The following SREBF2 variants were observed in gnomAD, a reference collection of about 807,000 sequenced individuals.
The protein encoded by SREBF2 is sterol regulatory element-binding protein 2.
In SREBF2, 55 loss-of-function variants were observed where a neutral mutation model predicts 113.1. That is an observed-to-expected ratio of 0.49 (90% CI 0.39 to 0.61). SREBF2 has a LOEUF of 0.61. Ranked by LOEUF, SREBF2 falls within the 20% of genes least tolerant of loss-of-function variation. The pLI is 0.00. For synonymous variants in SREBF2, 593 were observed against 605.7 expected, an observed-to-expected ratio of 0.98 and a Z score of 0.31; for missense variants, 1,349 against 1,487.4, an observed-to-expected ratio of 0.91 and a Z score of 1.53.
chr22:41,869,527 A>T (rs187718992), intron 3 of SREBF2, among the ~76,000 whole-genome samples: 1 of 148,668 alleles, frequency 6.7e-6, no homozygotes, highest in Admixed American at 6.8e-5. Context: ...CTTGTTGCCC[A>T]GGTTGGAGTG....
intron 9 of SREBF2, among the ~76,000 whole-genome samples, chr22:41,880,383 C>G (rs371473950): frequency 1.3e-3 from 172 of 136,648 alleles, no homozygotes; most frequent in African/African-American, 4.5e-3. Flanking sequence ...GAAACCCTGT[C>G]TCTACTAAAA....
At position 41,870,957 on chromosome 22, in the gene SREBF2, C is replaced by G. The variant is rs1569392839; in HGVS notation, c.789C>G (p.Ser263Arg). ...TGACCACACTGAAGACAGATGGCAG[C>G]CCTGTTATGGCTGCGGTCCAGAACC... ...LVLTTLKTDG[S>R]PVMAAVQNPA... The change falls in exon 4 of 19, where the codon AGC (serine) becomes AGG (arginine). Residue 263 changes from serine (S) to arginine (R), a missense_variant. Around this residue, in one of 2 missense-constraint regions of SREBF2, gnomAD observed 699 missense variants for 843.3 expected, o/e 0.83. Transcript: ENST00000361204. 6.2e-7 allele frequency: 1 copy of G among 1,614,140 alleles called. No homozygotes were observed. Among genetic ancestry groups the G allele is most frequent in the East Asian group, 2.2e-5 (1 of 44,880 alleles).
rs752234900 is a variant in SREBF2, at chr22:41,894,845, G to A, written c.2403G>A (p.Gln801=). Residue 801 remains glutamine, a synonymous_variant, in exon 13 of 19, where the codon CAG becomes CAA. Coordinates refer to ENST00000361204, the MANE Select transcript of SREBF2 (RefSeq NM_004599.4). ...NPADPIAQVH[Q]AFCKNLLERA... ...CTGACCCCATTGCGCAGGTCCACCA[G>A]GCCTTCTGCAAGAACCTGCTGGAGC... 2.5e-6 allele frequency: 4 copies of A among 1,614,046 alleles called. No individual in the cohort carries two copies. In the African/African-American group the frequency reaches 5.3e-5, roughly 22 times the overall value.
At chr22:41,892,540 C>T (rs1004798300) in intron 11 of SREBF2, among the ~76,000 whole-genome samples, 14 of 147,294 alleles carry the variant, frequency 9.5e-5, no homozygotes, top group African/African-American at 7.6e-5. Context: ...CCCAGCTACA[C>T]GGGAGGCTGA....
rs957307376 is a variant in SREBF2 at position 41,866,823 on chromosome 22, G to T, written c.89-8G>T. On this transcript the variant is annotated splice_polypyrimidine_tract_variant and splice_region_variant and intron_variant, in intron 1 of 18. Transcript: ENST00000361204. Reference sequence around the variant, plus strand: ...GCAATAAAATTACTCCTTTTCTTTTGTTCACAGAGATGCTGCAATTTGTCA... The same window carrying T: ...GCAATAAAATTACTCCTTTTCTTTTTTTCACAGAGATGCTGCAATTTGTCA... 6 of 1,614,002 alleles carry T rather than the reference G, an allele frequency of 3.7e-6. No individual in the cohort carries two copies. The highest frequency in any genetic ancestry group is 5.1e-6 in the Non-Finnish European group (6 of 1,180,008).
At chr22:41,890,715 G>A (rs2077352696) in intron 11 of SREBF2, among the ~76,000 whole-genome samples, 2 of 150,490 alleles carry the variant, frequency 1.3e-5, no homozygotes, top group Non-Finnish European at 1.5e-5. Flanking sequence ...AGCCACCAGC[G>A]TGGCCAAGAT....
chr22:41,898,587 C>CT, intron 14 of SREBF2, 62 bp from the exon 15 acceptor site: 1 of 1,611,224 alleles, frequency 6.2e-7, no homozygotes, highest in Non-Finnish European at 8.5e-7. Context: ...GTAGCAGCCT[C>CT]TGAGCGCCAC....
rs1569388206 is a variant in SREBF2 at position 41,866,934 on chromosome 22, CGGCAGCAGT to C, written c.201_209del (p.Gly68_Ser70del). The C allele has an allele frequency of 9.9e-6, 16 of 1,613,386 alleles. No individual in the cohort carries two copies. Among genetic ancestry groups the C allele is most frequent in the South Asian group, 5.5e-5 (5 of 91,078 alleles). On this transcript the variant is annotated inframe_deletion, in exon 2 of 19. Transcript: ENST00000361204. Reference sequence around the variant, plus strand: ...GCAGTGGTGGTAGTGGTAGCAGCAGCGGCAGCAGTGGCAGCAGCAGCAGCAGCAGCAATG... The same window carrying C: ...GCAGTGGTGGTAGTGGTAGCAGCAGCGGCAGCAGCAGCAGCAGCAGCAATG...
At chr22:41,902,019 T>C (rs1331582416) in intron 16 of SREBF2, among the ~76,000 whole-genome samples, 3 of 152,230 alleles carry the variant, frequency 2.0e-5, no homozygotes, top group Non-Finnish European at 4.4e-5. Flanking sequence ...AGGGATCCTT[T>C]TCCACATCCC....
intron 11 of SREBF2, among the ~76,000 whole-genome samples, chr22:41,889,417 G>T (rs1241852749): frequency 6.6e-6 from 1 of 151,980 alleles, no homozygotes; most frequent in Non-Finnish European, 1.5e-5. Flanking sequence ...ATGCACCACC[G>T]CGCCTGGCCT....
intron 11 of SREBF2, among the ~76,000 whole-genome samples, chr22:41,889,189 A>G (rs1007803024): frequency 6.6e-6 from 1 of 152,120 alleles, no homozygotes; most frequent in Non-Finnish European, 1.5e-5. Flanking sequence ...GCAGTGGTGC[A>G]ATCACGGCAC....
At chr22:41,897,228 C>T in intron 14 of SREBF2, 67 bp downstream of exon 14, 1 of 1,030,772 alleles carries the variant, frequency 9.7e-7, no homozygotes, top group South Asian at 1.4e-5. Flanking sequence ...GCTTTTGCCC[C>T]AGGGGTCCAG....
intron 11 of SREBF2, among the ~76,000 whole-genome samples, chr22:41,892,794 C>T (rs2148411065): frequency 6.6e-6 from 1 of 152,250 alleles, no homozygotes; most frequent in South Asian, 2.1e-4. Context: ...CCTAGTTTAC[C>T]CTGCAGGTTG....
Position 41,880,891 on chromosome 22 carries a change from G to A in SREBF2, c.1937G>A (p.Arg646Gln), listed in dbSNP as rs148947797. The change falls in exon 10 of 19, where the codon CGG becomes CAG. Residue 646 changes from arginine (R) to glutamine (Q), a missense_variant. Transcript: ENST00000361204. ...WLLKKVFQCRRATPATEAGFE... is the reference protein window; with the variant it reads ...WLLKKVFQCRQATPATEAGFE... ...CTCAAGAAAGTCTTCCAGTGCCGGC[G>A]GGCCACGCCAGCCACTGAGGCAGGC... The A allele has an allele frequency of 7.1e-5, 115 of 1,612,796 alleles. No homozygotes were observed. The African/African-American group carries it at 1.1e-3, about 15-fold the overall frequency.
chr22:41,878,012 G>T lies in SREBF2; in HGVS notation c.1650G>T (p.Leu550=). The part of the protein sequence containing the change: ...LLWLVNGVIV[L]SVFVKLLVHG... ...GGCTGGTAAATGGTGTGATTGTCCT[G>T]AGCGTCTTTGTGAAGCTGCTGGTTC... Residue 550 remains leucine (L), a synonymous_variant, in exon 9 of 19, where the codon CTG becomes CTT. Coordinates refer to ENST00000361204, the MANE Select transcript of SREBF2 (RefSeq NM_004599.4). The T allele has an allele frequency of 6.2e-7, 1 of 1,614,110 alleles. No homozygotes were observed.
rs1569394859 is a variant in SREBF2, at chr22:41,874,032, CA to C, written c.1089+17del. 29 of 1,613,790 alleles carry C rather than the reference CA, an allele frequency of 1.8e-5. No individual in the cohort carries two copies. The highest frequency in any genetic ancestry group is 1.6e-4 in the Middle Eastern group (1 of 6,082). ...GACAGACGCCAAGGTGGGTGCCAAG[CA>C]AAATTGTGTTTTATGTTCCACCATC... On this transcript the variant is annotated intron_variant, in intron 5 of 18. Coordinates refer to ENST00000361204, the MANE Select transcript of SREBF2 (RefSeq NM_004599.4).
chr22:41,899,045 G>T (rs1248887944), intron 15 of SREBF2: 1 of 596,114 alleles, frequency 1.7e-6, no homozygotes, highest in East Asian at 4.4e-5. Flanking sequence ...CCTCCCTGCA[G>T]CCTTCATGGC....
intron 1 of SREBF2, among the ~76,000 whole-genome samples, chr22:41,838,015 C>T (rs2076795491): frequency 6.6e-6 from 1 of 152,110 alleles, no homozygotes; most frequent in Non-Finnish European, 1.5e-5. Context: ...TCCCAGGCCC[C>T]CAGGTTTCCC....
intron 4 of SREBF2, 51 bp downstream of exon 4, chr22:41,871,086 G>A (rs764543269): frequency 1.9e-6 from 3 of 1,611,376 alleles, no homozygotes; most frequent in South Asian, 2.2e-5. Flanking sequence ...TATTCCTGGA[G>A]GTGTTAGTCT....
Sources: gnomAD v4.1 joint callset for allele counts (sites outside exome capture counted in the v4.1 genomes callset) on GRCh38, gnomAD v4.1.1 for gene constraint, gnomAD v4.1.1 regional missense constraint, MANE v1.5 for transcripts, NCBI Gene and HGNC (gene_info 2026-07-23, HGNC 2026-07-21) for gene names.